DACH2: variants seen among roughly 807,000 people sequenced by gnomAD.
The protein encoded by DACH2 is dachshund homolog 2.
DACH2 carries 17 observed loss-of-function variants against 35.8 expected under a neutral mutation model. The observed-to-expected ratio is 0.48, with a 90% confidence interval of 0.33 to 0.71. DACH2 has a LOEUF of 0.71. Ranked by LOEUF, DACH2 falls within the 30% of genes least tolerant of loss-of-function variation. The pLI, the probability that DACH2 is intolerant of heterozygous loss-of-function variation, is 0.02. For missense variants in DACH2, 469 were observed against 472.7 expected, an observed-to-expected ratio of 0.99 and a Z score of 0.07; for synonymous variants, 195 against 177.3, an observed-to-expected ratio of 1.10 and a Z score of -0.79.
chrX:86,376,807 C>T lies in DACH2; in HGVS notation c.489-17C>T, dbSNP rs759078718. ...ACCAGTTTTATTTATTTATTTTCTG[C>T]TACACTCTCCTTTTAGAAGGAAGAG... On this transcript the variant is annotated splice_polypyrimidine_tract_variant and intron_variant, in intron 1 of 11. Transcript: ENST00000373125. The T allele has an allele frequency of 7.4e-6, 8 of 1,079,430 alleles. No homozygotes were observed. The African/African-American group carries it at 1.1e-4, about 15-fold the overall frequency. The allele number at this position is 1,079,430 out of a possible 1,213,427, so 89.0% of individuals were successfully genotyped here.
At chrX:86,613,334 C>A (rs747431538) in intron 3 of DACH2, among the ~76,000 whole-genome samples, 3 of 111,265 alleles carry the variant, frequency 2.7e-5, no homozygotes, top group South Asian at 7.6e-4. Context: ...TCTTACCTTT[C>A]TTTTTCCTTT....
intron 1 of DACH2, among the ~76,000 whole-genome samples, chrX:86,329,217 G>T (rs148987482): frequency 9.0e-6 from 1 of 110,798 alleles, no homozygotes; most frequent in Admixed American, 9.6e-5. Context: ...CACAAACAGA[G>T]TATACTTTGG....
intron 3 of DACH2, among the ~76,000 whole-genome samples, chrX:86,582,693 C>T (rs958888153): frequency 1.8e-5 from 2 of 110,357 alleles, no homozygotes; most frequent in Non-Finnish European, 3.8e-5. Context: ...TGACCAATAA[C>T]GAGATCTGAA....
intron 1 of DACH2, among the ~76,000 whole-genome samples, chrX:86,366,273 G>C (rs890124304): frequency 1.8e-5 from 2 of 110,798 alleles, no homozygotes; most frequent in Non-Finnish European, 3.8e-5. Flanking sequence ...TGTACATATA[G>C]TTAATGTCCA....
chrX:86,471,141 A>T (rs2037755084), intron 2 of DACH2, among the ~76,000 whole-genome samples: 1 of 111,913 alleles, frequency 8.9e-6, no homozygotes, highest in Admixed American at 9.6e-5. Context: ...TTCAGTTCAT[A>T]CATTCCTAGC....
At chrX:86,618,087 G>T (rs2040027578) in intron 3 of DACH2, among the ~76,000 whole-genome samples, 2 of 111,475 alleles carry the variant, frequency 1.8e-5, no homozygotes, top group South Asian at 7.5e-4. Context: ...ACCAGCCTGG[G>T]CTACACAGAT....
In DACH2 at chrX:86,161,890, T is replaced by C. The variant is rs189649520; in HGVS notation, c.488+12782T>C. ...TATGATGTTTACATAATCCCTATTC[T>C]GCCACAATCTAAAGCTTTTATTATT... On this transcript the variant is annotated intron_variant, in intron 1 of 11. Transcript: ENST00000373125. 2.7e-5 allele frequency among the ~76,000 whole-genome samples: 3 copies of C among 111,865 alleles called. No homozygotes were observed. In the East Asian group the frequency reaches 8.4e-4, roughly 31 times the overall value.
intron 2 of DACH2, among the ~76,000 whole-genome samples, chrX:86,484,372 G>T (rs2037988449): frequency 8.9e-6 from 1 of 111,817 alleles, no homozygotes; most frequent in Non-Finnish European, 1.9e-5. Flanking sequence ...ATGGTTTTGT[G>T]TGTTGTGGTG....
chrX:86,444,816 T>A (rs2037231763), intron 2 of DACH2, among the ~76,000 whole-genome samples: 1 of 111,593 alleles, frequency 9.0e-6, no homozygotes, highest in African/African-American at 3.3e-5. Flanking sequence ...TGAATGTATT[T>A]ATTAGGCTTA....
chrX:86,673,306 C>T (rs775896228), intron 4 of DACH2, among the ~76,000 whole-genome samples: 2 of 91,582 alleles, frequency 2.2e-5, no homozygotes, highest in Admixed American at 2.6e-4. Context: ...CACTGCATTC[C>T]AGTCTGGGGA....
At chrX:86,478,266 T>C (rs1261235620) in intron 2 of DACH2, among the ~76,000 whole-genome samples, 1 of 112,096 alleles carries the variant, frequency 8.9e-6, no homozygotes, top group Non-Finnish European at 1.9e-5. Flanking sequence ...AAGTACTCTT[T>C]TGCATTTCGT....
chrX:86,513,497 G>C (rs2038423812), intron 2 of DACH2, among the ~76,000 whole-genome samples: 1 of 112,082 alleles, frequency 8.9e-6, no homozygotes, highest in South Asian at 3.7e-4. Context: ...GGAGGCAACA[G>C]ATACTGACTT....
chrX:86,709,412 G>T (rs1201505154), intron 5 of DACH2, among the ~76,000 whole-genome samples: 1 of 111,552 alleles, frequency 9.0e-6, no homozygotes, highest in Non-Finnish European at 1.9e-5. Flanking sequence ...TAACTCAAAA[G>T]GATCATAGTC....
intron 3 of DACH2, among the ~76,000 whole-genome samples, chrX:86,636,645 CTGGCAAGCTG>C (rs1163644263): frequency 9.0e-6 from 1 of 111,211 alleles, no homozygotes; most frequent in Non-Finnish European, 1.9e-5. Flanking sequence ...GCTGGGATAA[CTGGCAAGCTG>C]TATGCAGAAG....
At chrX:86,296,380 C>CAAAAAAAAAA (rs61713614) in intron 1 of DACH2, among the ~76,000 whole-genome samples, 1 of 68,460 alleles carries the variant, frequency 1.5e-5, no homozygotes, top group Non-Finnish European at 2.9e-5. Context: ...GACTCCATCT[C>CAAAAAAAAAA]AAAAAAAAAA....
chrX:86,646,706 G>A (rs755801461), intron 3 of DACH2, among the ~76,000 whole-genome samples: 1 of 109,718 alleles, frequency 9.1e-6, no homozygotes. Context: ...CAAAGGGTTA[G>A]TATACAAAAT....
At chrX:86,483,710 G>C (rs1265285053) in intron 2 of DACH2, among the ~76,000 whole-genome samples, 1 of 111,012 alleles carries the variant, frequency 9.0e-6, no homozygotes, top group African/African-American at 3.3e-5. Context: ...GCATGTGCCT[G>C]TGGTCCCAGC....
At chrX:86,274,660 A>G (rs906742480) in intron 1 of DACH2, among the ~76,000 whole-genome samples, 1 of 107,637 alleles carries the variant, frequency 9.3e-6, no homozygotes, top group Non-Finnish European at 1.9e-5. Context: ...ACGCCCGGTT[A>G]ATTTTGTTTT....
chrX:86,201,343 A>G (rs1462450670), intron 1 of DACH2, among the ~76,000 whole-genome samples: 2 of 110,391 alleles, frequency 1.8e-5, no homozygotes, highest in African/African-American at 6.6e-5. Flanking sequence ...GGGTACTAGG[A>G]TTAATACCTG....
Sources: allele counts gnomAD v4.1 joint callset (sites outside exome capture counted in the v4.1 genomes callset), GRCh38; gene constraint gnomAD v4.1.1; transcripts MANE v1.5; gene names NCBI Gene and HGNC (gene_info 2026-07-23, HGNC 2026-07-21).